The following USP13 variants were observed in gnomAD, a reference collection of about 807,000 sequenced individuals.
The protein encoded by USP13 is ubiquitin specific peptidase 13, also known as ubiquitin carboxyl-terminal hydrolase 13.
Under a neutral mutation model 107.8 loss-of-function variants are expected in USP13, and 68 were observed. The ratio of observed to expected loss-of-function variants is 0.63; its 90% CI spans 0.52 to 0.77. The LOEUF (loss-of-function observed/expected upper bound fraction) is 0.77. Ranked by LOEUF, USP13 falls within the 30% of genes least tolerant of loss-of-function variation. USP13 has a pLI of 0.00. For synonymous variants in USP13, 377 were observed against 389.5 expected, an observed-to-expected ratio of 0.97 and a Z score of 0.38; for missense variants, 945 against 1,093.3, an observed-to-expected ratio of 0.86 and a Z score of 1.91.
intron 13 of USP13, among the ~76,000 whole-genome samples, chr3:179,751,881 C>A (rs573233414): frequency 1.3e-5 from 2 of 152,112 alleles, no homozygotes; most frequent in South Asian, 4.2e-4. Context: ...CCAATCCCCA[C>A]TAATTTTTGT....
At chr3:179,733,778 C>CA (rs1415366339) in intron 10 of USP13, among the ~76,000 whole-genome samples, 1 of 152,216 alleles carries the variant, frequency 6.6e-6, no homozygotes, top group Non-Finnish European at 1.5e-5. Flanking sequence ...TAACTAGCAT[C>CA]ACATAGTGCT....
At chr3:179,758,651 A>C (rs1298264587) in intron 16 of USP13, among the ~76,000 whole-genome samples, 1 of 151,460 alleles carries the variant, frequency 6.6e-6, no homozygotes, top group East Asian at 2.0e-4. Flanking sequence ...GGCGCCTGCC[A>C]CCACAACCGG....
At chr3:179,662,312 G>T (rs536790968) in intron 1 of USP13, among the ~76,000 whole-genome samples, 3 of 152,200 alleles carry the variant, frequency 2.0e-5, no homozygotes, top group South Asian at 2.1e-4. Flanking sequence ...TGAGGTTTGG[G>T]GCTCTGACGG....
intron 1 of USP13, among the ~76,000 whole-genome samples, chr3:179,655,981 A>T (rs1294322573): frequency 3.3e-5 from 5 of 152,354 alleles, no homozygotes; most frequent in African/African-American, 1.2e-4. Context: ...GGTGCTAAAC[A>T]CGCCAGAAAC....
intron 15 of USP13, among the ~76,000 whole-genome samples, chr3:179,755,420 G>T (rs904853164): frequency 1.3e-5 from 2 of 151,786 alleles, no homozygotes; most frequent in African/African-American, 4.8e-5. Flanking sequence ...TCAGCCTCAC[G>T]AGTAGCTGGG....
chr3:179,674,144 C>T (rs972135311), intron 1 of USP13, among the ~76,000 whole-genome samples: 5 of 152,134 alleles, frequency 3.3e-5, no homozygotes, highest in African/African-American at 1.2e-4. Context: ...TCACCCGCCT[C>T]AGCCTCCCAA....
intron 1 of USP13, among the ~76,000 whole-genome samples, chr3:179,672,165 G>C (rs1174704958): frequency 4.6e-5 from 7 of 152,076 alleles, no homozygotes; most frequent in Non-Finnish European, 7.3e-5. Context: ...TTGCAATCTT[G>C]ACCTTTATAT....
At chr3:179,673,890 CT>C (rs1482399485) in intron 1 of USP13, among the ~76,000 whole-genome samples, 1 of 152,124 alleles carries the variant, frequency 6.6e-6, no homozygotes, top group Non-Finnish European at 1.5e-5. Context: ...TTCGAGATTT[CT>C]TTCTTTCGTT....
Position 179,664,985 on chromosome 3 carries a change from G to C in USP13, c.168+11592G>C, listed in dbSNP as rs899138952. ...TGCCTGTAATCCCAGCTACTCAGGA[G>C]GCTGAGGCAGGAGAATCGCTTAAAC... On this transcript the variant is annotated intron_variant, in intron 1 of 20. Coordinates refer to ENST00000263966, the MANE Select transcript of USP13 (RefSeq NM_003940.3). 3.3e-5 allele frequency among the ~76,000 whole-genome samples: 5 copies of C among 152,298 alleles called. No individual in the cohort carries two copies. In the South Asian group the frequency reaches 1.0e-3, roughly 32 times the overall value.
chr3:179,667,878 C>T (rs1720632573), intron 1 of USP13, among the ~76,000 whole-genome samples: 1 of 152,118 alleles, frequency 6.6e-6, no homozygotes, highest in South Asian at 2.1e-4. Context: ...GAATTCCTGA[C>T]CTCAGGTGAT....
At chr3:179,666,389 G>T (rs1720587210) in intron 1 of USP13, among the ~76,000 whole-genome samples, 1 of 152,200 alleles carries the variant, frequency 6.6e-6, no homozygotes, top group Admixed American at 6.5e-5. Context: ...TTTGGAAGAA[G>T]CCTCAGTTAG....
chr3:179,680,188 C>A (rs915720902), intron 1 of USP13, among the ~76,000 whole-genome samples: 5 of 151,302 alleles, frequency 3.3e-5, no homozygotes, highest in African/African-American at 1.2e-4. Flanking sequence ...ACAACAACAA[C>A]AACAACAACA....
Position 179,682,084 on chromosome 3 carries a change from T to G in USP13, c.294+81T>G, listed in dbSNP as rs202229244. ...CAGTGTGCTTTCTCACGTGGAAATT[T>G]GACCATGCCCACATAACTTCCGATT... On this transcript the variant is annotated intron_variant, in intron 2 of 20. Transcript: ENST00000263966. 1.5e-4 allele frequency: 232 copies of G among 1,500,716 alleles called. No homozygotes were observed. In the East Asian group the frequency reaches 4.6e-3, roughly 30 times the overall value. 93.0% of individuals were successfully genotyped at this position (1,500,716 alleles called of 1,614,324 possible).
intron 13 of USP13, among the ~76,000 whole-genome samples, chr3:179,750,326 G>GTGTA (rs1553797370): frequency 0.046 from 3,448 of 75,778 alleles, 174 homozygotes; most frequent in African/African-American, 0.13. Flanking sequence ...ATATATGTGT[G>GTGTA]TATATATATA....
In USP13 at chr3:179,765,548, G is replaced by A; in HGVS notation, c.2260-147G>A. The A allele has an allele frequency of 4.5e-6, 4 of 888,038 alleles. No homozygotes were observed. In the South Asian group the frequency reaches 6.2e-5, roughly 14 times the overall value. The allele number at this position is 888,038 out of a possible 1,614,324, so 55.0% of individuals were successfully genotyped here. A position where few individuals can be genotyped will look rare whatever the true frequency, so the allele number is the denominator to read the frequency against. ...CAACTGAACGTGCCTGTCATGCGGA[G>A]TCAGAGCTTCTTACTCAGTGGCACT... On this transcript the variant is annotated intron_variant, in intron 18 of 20. Coordinates refer to ENST00000263966, the MANE Select transcript of USP13 (RefSeq NM_003940.3).
chr3:179,708,392 C>T (rs367786573), intron 5 of USP13, among the ~76,000 whole-genome samples: 10 of 151,944 alleles, frequency 6.6e-5, no homozygotes, highest in Admixed American at 2.6e-4. Context: ...CTGCAACCTC[C>T]GCCTCTCGGG....
chr3:179,672,829 T>G (rs1353723404), intron 1 of USP13, among the ~76,000 whole-genome samples: 1 of 152,222 alleles, frequency 6.6e-6, no homozygotes, highest in African/African-American at 2.4e-5. Context: ...TGTCAAAGTC[T>G]TGCATCTTGG....
At chr3:179,683,877 A>G (rs1014697899) in intron 2 of USP13, among the ~76,000 whole-genome samples, 2 of 152,120 alleles carry the variant, frequency 1.3e-5, no homozygotes, top group Non-Finnish European at 2.9e-5. Context: ...ATGGGAATCT[A>G]TTTTTTCATA....
At chr3:179,700,913 A>G (rs1466039371) in intron 3 of USP13, 95 bp from the exon 4 acceptor site, 14 of 1,428,152 alleles carry the variant, frequency 9.8e-6, no homozygotes, top group Non-Finnish European at 1.3e-5. Flanking sequence ...GTATTTCATC[A>G]TCACCTTGGA....
Sources: allele counts gnomAD v4.1 joint callset (sites outside exome capture counted in the v4.1 genomes callset), GRCh38; gene constraint gnomAD v4.1.1; transcripts MANE v1.5; gene names NCBI Gene and HGNC (gene_info 2026-07-23, HGNC 2026-07-21).